The following DNAJC11 variants were observed in gnomAD, a reference collection of about 807,000 sequenced individuals.
DNAJC11 encodes the protein DnaJ heat shock protein family (Hsp40) member C11, also known as dnaJ homolog subfamily C member 11.
DNAJC11 carries 15 observed loss-of-function variants against 78.6 expected under a neutral mutation model. The observed-to-expected ratio is 0.19, with a 90% CI of 0.13 to 0.29. The LOEUF (loss-of-function observed/expected upper bound fraction) is 0.29, where lower values mean the gene tolerates loss of function less well. Ranked by LOEUF, DNAJC11 falls within the 10% of genes least tolerant of loss-of-function variation. The pLI is 1.00. For missense variants in DNAJC11, 547 were observed against 709.6 expected (o/e 0.77, Z 2.60); for synonymous variants, 292 against 272.1 (o/e 1.07, Z -0.72).
At chr1:6,696,980 T>C (rs1424281893) in intron 1 of DNAJC11, among the ~76,000 whole-genome samples, 1 of 152,222 alleles carries the variant, frequency 6.6e-6, no homozygotes, top group Non-Finnish European at 1.5e-5. Context: ...TCAATTAAAT[T>C]TCCTAATTAA....
chr1:6,642,438 G>C (rs1269608374), intron 10 of DNAJC11, among the ~76,000 whole-genome samples: 1 of 152,170 alleles, frequency 6.6e-6, no homozygotes, highest in Non-Finnish European at 1.5e-5. Context: ...ATGTTCAGGA[G>C]ATGATTTTGA....
intron 1 of DNAJC11, among the ~76,000 whole-genome samples, chr1:6,700,879 C>T (rs11808315): frequency 0.019 from 2,885 of 152,286 alleles, 86 homozygotes; most frequent in African/African-American, 0.066. Context: ...CTTAAAGAAA[C>T]TGATCCACCT....
rs1557472279 is a variant in DNAJC11, at chr1:6,652,903, T to C, written c.556A>G (p.Thr186Ala). 6.2e-7 allele frequency: 1 copy of C among 1,614,200 alleles called. No homozygotes were observed. The highest frequency in any genetic ancestry group is 8.5e-7 in the Non-Finnish European group (1 of 1,180,038). ...DTAILSGSLS[T>A]QNGNGGGSIN... is the part of the protein sequence containing the mutation. ...GAACCTCCTCCATTTCCATTCTGGG[T>C]TGAGAGGCTTCCAGAGAGGATGGCT... The change falls in exon 6 of 16, where the codon ACC becomes GCC. Residue 186 changes from threonine to alanine, a missense_variant. Coordinates refer to ENST00000377577, the MANE Select transcript of DNAJC11 (RefSeq NM_018198.4).
Position 6,634,814 on chromosome 1 carries a change from T to G in DNAJC11, c.*861A>C, listed in dbSNP as rs1307535166. ...TGGGTACCACGGGCCGGGCCTGGGG[T>G]CCACGCCTTTGGGTTGGGTGTGTCT... On this transcript the variant is annotated 3_prime_UTR_variant, in exon 16 of 16. Coordinates refer to ENST00000377577, the MANE Select transcript of DNAJC11 (RefSeq NM_018198.4). The G allele has an allele frequency of 1.6e-6, 2 of 1,270,548 alleles. No individual in the cohort carries two copies. Among genetic ancestry groups the G allele is most frequent in the Admixed American group, 4.8e-5 (2 of 41,464 alleles). The allele number at this position is 1,270,548 out of a possible 1,614,324, so 78.7% of individuals were successfully genotyped here.
intron 1 of DNAJC11, among the ~76,000 whole-genome samples, chr1:6,697,866 G>C (rs900073269): frequency 6.6e-6 from 1 of 151,244 alleles, no homozygotes. Flanking sequence ...GTGCAGTGGC[G>C]CAATCTCGGC....
Position 6,678,375 on chromosome 1 carries a change from G to A in DNAJC11, c.276+19C>T. On this transcript the variant is annotated intron_variant, in intron 3 of 15. Coordinates refer to ENST00000377577, the MANE Select transcript of DNAJC11 (RefSeq NM_018198.4). The stretch of plus-strand genomic sequence containing the variant: ...GTTTAATGACTTTTCTGGAACACCA[G>A]ACGCACAGTTTCTCTTACCTCCCAT... 6.2e-7 allele frequency: 1 copy of A among 1,610,198 alleles called. No homozygotes were observed. Among genetic ancestry groups the A allele is most frequent in the East Asian group, 2.2e-5 (1 of 44,866 alleles).
intron 11 of DNAJC11, 141 bp from the exon 12 acceptor site, chr1:6,638,505 T>C: frequency 3.0e-6 from 2 of 664,232 alleles, no homozygotes; most frequent in Non-Finnish European, 4.6e-6. Flanking sequence ...TTAAAAAATA[T>C]TCCCACGACA....
intron 6 of DNAJC11, 137 bp from the exon 7 acceptor site, chr1:6,651,739 G>A: frequency 1.5e-6 from 1 of 673,038 alleles, no homozygotes; most frequent in Non-Finnish European, 2.6e-6. Context: ...GAAGGGGGTG[G>A]AAGATTGTTA....
chr1:6,638,395 A>G, intron 11 of DNAJC11, 31 bp from the exon 12 acceptor site: 1 of 1,602,680 alleles, frequency 6.2e-7, no homozygotes, highest in East Asian at 2.2e-5. Context: ...GCCCCACGTT[A>G]GCGCGGCGCT....
At chr1:6,660,844 A>G (rs1216733304) in intron 4 of DNAJC11, among the ~76,000 whole-genome samples, 4 of 152,252 alleles carry the variant, frequency 2.6e-5, no homozygotes, top group East Asian at 1.9e-4. Flanking sequence ...CTTCACTGAC[A>G]TCACTCAGAA....
chr1:6,699,553 T>C (rs900525239), intron 1 of DNAJC11, among the ~76,000 whole-genome samples: 1 of 152,178 alleles, frequency 6.6e-6, no homozygotes, highest in African/African-American at 2.4e-5. Context: ...CATTTATTGC[T>C]TGACTTCTAA....
At chr1:6,648,895 G>C (rs1642008236) in intron 7 of DNAJC11, among the ~76,000 whole-genome samples, 1 of 152,326 alleles carries the variant, frequency 6.6e-6, no homozygotes, top group South Asian at 2.1e-4. Context: ...AGACCCAGTA[G>C]GTGAATCCAA....
intron 4 of DNAJC11, among the ~76,000 whole-genome samples, chr1:6,666,385 CTT>C (rs767579276): frequency 1.7e-5 from 2 of 120,602 alleles, no homozygotes; most frequent in African/African-American, 3.1e-5. Flanking sequence ...TCTTTCTTTT[CTT>C]TTTTTTTTTT....
chr1:6,660,072 AC>A (rs1237849001), intron 4 of DNAJC11, among the ~76,000 whole-genome samples: 1 of 150,774 alleles, frequency 6.6e-6, no homozygotes, highest in East Asian at 1.9e-4. Flanking sequence ...AAAAAAAAAA[AC>A]CAAAATCAAA....
chr1:6,662,322 C>A (rs1346428729), intron 4 of DNAJC11, among the ~76,000 whole-genome samples: 1 of 151,954 alleles, frequency 6.6e-6, no homozygotes, highest in African/African-American at 2.4e-5. Flanking sequence ...GCCTCCCAAG[C>A]AGCTTGGATT....
intron 4 of DNAJC11, among the ~76,000 whole-genome samples, chr1:6,661,903 C>T (rs563674477): frequency 1.2e-3 from 179 of 152,248 alleles, no homozygotes; most frequent in Admixed American, 2.6e-3. Flanking sequence ...AACATTTTGG[C>T]ATTTAAAAAT....
At chr1:6,691,769 G>A (rs184997322) in intron 1 of DNAJC11, among the ~76,000 whole-genome samples, 3 of 152,172 alleles carry the variant, frequency 2.0e-5, no homozygotes, top group African/African-American at 4.8e-5. Flanking sequence ...TTTTCATCTC[G>A]AAGGAGGTTC....
chr1:6,685,384 A>G (rs200444), intron 1 of DNAJC11, among the ~76,000 whole-genome samples: 135,805 of 152,206 alleles, frequency 0.89, 60,909 homozygotes, highest in Admixed American at 0.95. Flanking sequence ...GTGGAATCTT[A>G]AGGTTACAGG....
intron 12 of DNAJC11, chr1:6,637,939 C>A: frequency 2.6e-6 from 1 of 384,668 alleles, no homozygotes; most frequent in South Asian, 3.7e-5. Context: ...GTGCCGCCCC[C>A]TCAGACAGGC....
Sources: allele counts gnomAD v4.1 joint callset (sites outside exome capture counted in the v4.1 genomes callset), GRCh38; gene constraint gnomAD v4.1.1; transcripts MANE v1.5; gene names NCBI Gene and HGNC (gene_info 2026-07-23, HGNC 2026-07-21).